The following BMAL1 variants were observed in gnomAD, a reference collection of about 807,000 sequenced individuals.
BMAL1 encodes basic helix-loop-helix ARNT-like protein 1.
the BMAL1 span, among the ~76,000 whole-genome samples, chr11:13,357,817 T>C: frequency 6.6e-6 from 1 of 152,188 alleles, no homozygotes; most frequent in African/African-American, 2.4e-5. The surrounding 1 kb of genome is among the most constrained non-coding windows in gnomAD (Gnocchi z 4.8). Context: ...CAGGTGCACA[T>C]CAGTCAGTGT....
At chr11:13,386,650 G>A in the BMAL1 span, 1 of 1,614,184 alleles carries the variant, frequency 6.2e-7, no homozygotes, top group Non-Finnish European at 8.5e-7. Context: ...GGATCAAGTA[G>A]TCCCAGTAAT....
the BMAL1 span, chr11:13,375,521 C>A: frequency 8.9e-7 from 1 of 1,125,076 alleles, no homozygotes; most frequent in Non-Finnish European, 1.2e-6. Flanking sequence ...GTCGTTGGAG[C>A]TCAAGTACCT....
chr11:13,326,921 G>A, the BMAL1 span, among the ~76,000 whole-genome samples: 3 of 151,978 alleles, frequency 2.0e-5, no homozygotes, highest in Non-Finnish European at 4.4e-5. Context: ...CCGGGTTCAC[G>A]CCAGTCTCCT....
At chr11:13,372,923 T>TG in the BMAL1 span, among the ~76,000 whole-genome samples, 13 of 152,126 alleles carry the variant, frequency 8.5e-5, no homozygotes, top group Non-Finnish European at 1.6e-4. Flanking sequence ...GACAATTAAG[T>TG]GGGGTGCCTT....
chr11:13,307,811 G>A, the BMAL1 span, among the ~76,000 whole-genome samples: 453 of 152,324 alleles, frequency 3.0e-3, 1 homozygote, highest in African/African-American at 0.01. Context: ...GGGAGACACT[G>A]GCTTGGAGAC....
chr11:13,340,039 T>C, the BMAL1 span, among the ~76,000 whole-genome samples: 928 of 152,330 alleles, frequency 6.1e-3, 7 homozygotes, highest in Non-Finnish European at 0.01. Flanking sequence ...TTGTCCCGAA[T>C]TGAAATTTGG....
the BMAL1 span, chr11:13,381,254 G>GGTAAGACT: frequency 1.9e-6 from 3 of 1,613,830 alleles, no homozygotes; most frequent in Non-Finnish European, 2.5e-6. Flanking sequence ...GAGGCAAGAA[G>GGTAAGACT]GTAAGACTGA....
At chr11:13,387,127 C>T in the BMAL1 span, 1 of 166,344 alleles carries the variant, frequency 6.0e-6, no homozygotes, top group East Asian at 1.6e-4. Context: ...AGAAGTCCCC[C>T]ATGTGGATAT....
chr11:13,371,982 T>C, the BMAL1 span, among the ~76,000 whole-genome samples: 2 of 152,210 alleles, frequency 1.3e-5, no homozygotes, highest in African/African-American at 4.8e-5. Flanking sequence ...ATTCTGACAC[T>C]GGATGACAGT....
the BMAL1 span, among the ~76,000 whole-genome samples, chr11:13,280,564 A>C: frequency 6.6e-6 from 1 of 152,258 alleles, no homozygotes; most frequent in Non-Finnish European, 1.5e-5. Context: ...GATTACATGC[A>C]GTGATTTTAG....
At chr11:13,293,575 A>C in the BMAL1 span, among the ~76,000 whole-genome samples, 2 of 152,196 alleles carry the variant, frequency 1.3e-5, no homozygotes, top group Non-Finnish European at 2.9e-5. Flanking sequence ...AGTTGGGAAA[A>C]ATGCATTATA....
the BMAL1 span, chr11:13,356,274 C>A: frequency 2.2e-6 from 1 of 457,972 alleles, no homozygotes; most frequent in South Asian, 1.5e-5. Flanking sequence ...ATTCCACCCT[C>A]CTCACTTCGT....
the BMAL1 span, among the ~76,000 whole-genome samples, chr11:13,351,802 G>A: frequency 1.3e-5 from 2 of 152,190 alleles, no homozygotes; most frequent in African/African-American, 4.8e-5. Context: ...GCAGTGAGGA[G>A]GTCACTGGTC....
the BMAL1 span, chr11:13,356,811 C>T: frequency 6.2e-7 from 1 of 1,614,000 alleles, no homozygotes; most frequent in Non-Finnish European, 8.5e-7. Context: ...ACTTCAGCAT[C>T]CTTATAGCCA....
At chr11:13,302,585 T>C in the BMAL1 span, among the ~76,000 whole-genome samples, 10 of 152,208 alleles carry the variant, frequency 6.6e-5, no homozygotes, top group African/African-American at 1.4e-4. Context: ...GGGCTCTGTG[T>C]GTGGTTTATT....
At chr11:13,369,530 C>G in the BMAL1 span, 1 of 1,489,082 alleles carries the variant, frequency 6.7e-7, no homozygotes, top group Non-Finnish European at 9.2e-7. Context: ...GTGAGGCAGG[C>G]AAGAAAAGGC....
chr11:13,325,683 G>T, the BMAL1 span, among the ~76,000 whole-genome samples: 1 of 151,508 alleles, frequency 6.6e-6, no homozygotes, highest in African/African-American at 2.4e-5. Context: ...GTGTGTGTGT[G>T]TGTGTGTGTG....
the BMAL1 span, among the ~76,000 whole-genome samples, chr11:13,352,712 A>G: frequency 2.0e-5 from 3 of 152,238 alleles, no homozygotes; most frequent in Non-Finnish European, 4.4e-5. Flanking sequence ...TATCAAAGTG[A>G]AAAAATGGCA....
At chr11:13,297,312 A>C in the BMAL1 span, among the ~76,000 whole-genome samples, 3 of 152,164 alleles carry the variant, frequency 2.0e-5, no homozygotes, top group Admixed American at 1.3e-4. Context: ...GGCTGTAGGG[A>C]TGAAGGAGTT....
Sources: allele counts gnomAD v4.1 joint callset (sites outside exome capture counted in the v4.1 genomes callset), GRCh38; gene constraint gnomAD v4.1.1; non-coding constraint Gnocchi (gnomAD v3.1); transcripts MANE v1.5; gene names NCBI Gene and HGNC (gene_info 2026-07-23, HGNC 2026-07-21).